The following SAMMSON variants were observed in gnomAD, a reference collection of about 807,000 sequenced individuals.
SAMMSON encodes the protein long intergenic non-protein coding RNA 1212.
At chr3:70,031,961 G>A (rs1370427074) in intron 3 of SAMMSON, among the ~76,000 whole-genome samples, 2 of 152,134 alleles carry the variant, frequency 1.3e-5, no homozygotes, top group African/African-American at 4.8e-5. Context: ...CAAGTTAATG[G>A]TAAAGATTAC....
chr3:70,285,164 G>T (rs1392182213), intron 6 of SAMMSON, among the ~76,000 whole-genome samples: 1 of 149,730 alleles, frequency 6.7e-6, no homozygotes, highest in Non-Finnish European at 1.5e-5. Flanking sequence ...CCACTAACTT[G>T]TCATCTAGCA....
chr3:70,275,653 G>A (rs972074847), intron 6 of SAMMSON, among the ~76,000 whole-genome samples: 3 of 152,158 alleles, frequency 2.0e-5, no homozygotes, highest in Admixed American at 6.5e-5. Flanking sequence ...AACCTCCCAC[G>A]CCTCAGCTTC....
At chr3:70,388,503 A>G (rs1250562599) in intron 9 of SAMMSON, among the ~76,000 whole-genome samples, 3 of 152,168 alleles carry the variant, frequency 2.0e-5, no homozygotes, top group East Asian at 1.9e-4. Context: ...AATCCAAAAG[A>G]TAATCCAACC....
intron 7 of SAMMSON, among the ~76,000 whole-genome samples, chr3:70,292,735 A>C (rs998374642): frequency 1.3e-5 from 2 of 152,078 alleles, no homozygotes; most frequent in Non-Finnish European, 2.9e-5. Flanking sequence ...GATCACACAC[A>C]CACACATGCA....
At chr3:70,268,337 T>C (rs1000907783) in intron 6 of SAMMSON, among the ~76,000 whole-genome samples, 11 of 152,058 alleles carry the variant, frequency 7.2e-5, no homozygotes, top group Admixed American at 6.5e-5. Context: ...TAGCCAGGCG[T>C]GGTTGTGTGC....
intron 4 of SAMMSON, among the ~76,000 whole-genome samples, chr3:70,119,096 C>T (rs367991454): frequency 3.3e-5 from 5 of 152,206 alleles, no homozygotes; most frequent in African/African-American, 7.2e-5. Flanking sequence ...GACGGAGTTT[C>T]GCTCTTGTTA....
chr3:70,057,452 TGAA>T (rs1346292123), intron 3 of SAMMSON, among the ~76,000 whole-genome samples: 1 of 152,052 alleles, frequency 6.6e-6, no homozygotes, highest in Non-Finnish European at 1.5e-5. Flanking sequence ...CATAATTCAA[TGAA>T]GAATTGTCTT....
At chr3:70,035,691 T>C (rs1036243391) in intron 3 of SAMMSON, among the ~76,000 whole-genome samples, 4 of 152,128 alleles carry the variant, frequency 2.6e-5, no homozygotes, top group Non-Finnish European at 1.5e-5. Context: ...TTCCAAAAAA[T>C]TTAGGAGGCA....
At chr3:70,413,447 C>T (rs1307274501) in intron 2 of SAMMSON, among the ~76,000 whole-genome samples, 1 of 152,110 alleles carries the variant, frequency 6.6e-6, no homozygotes, top group Non-Finnish European at 1.5e-5. Context: ...GAAATCAGCA[C>T]CCAGCTGAAG....
chr3:70,203,557 C>T (rs1701261273), intron 4 of SAMMSON, among the ~76,000 whole-genome samples: 1 of 151,890 alleles, frequency 6.6e-6, no homozygotes, highest in Admixed American at 6.6e-5. Flanking sequence ...TAAATTTGGG[C>T]TTATGTTTTT....
intron 4 of SAMMSON, chr3:70,206,490 A>G (rs1701291804): frequency 2.5e-6 from 1 of 395,990 alleles, no homozygotes; most frequent in Admixed American, 4.4e-5. Context: ...TTTTTTTCCT[A>G]ACAGCATATG....
chr3:70,403,517 C>T (rs1701156777), intron 2 of SAMMSON, among the ~76,000 whole-genome samples: 1 of 152,186 alleles, frequency 6.6e-6, no homozygotes, highest in South Asian at 2.1e-4. Context: ...GATTGGCAAA[C>T]TATGACTCGC....
At chr3:70,187,566 T>C (rs1332706396) in intron 4 of SAMMSON, among the ~76,000 whole-genome samples, 1 of 151,206 alleles carries the variant, frequency 6.6e-6, no homozygotes, top group Admixed American at 6.6e-5. Flanking sequence ...GCCTCCCGTG[T>C]AGCTGGGACT....
intron 3 of SAMMSON, among the ~76,000 whole-genome samples, chr3:70,067,822 G>GTAAT (rs2067215684): frequency 6.6e-6 from 1 of 152,088 alleles, no homozygotes. Context: ...AACTCATTGA[G>GTAAT]GTAGGGTGAC....
At chr3:70,262,270 G>A (rs988121429) in intron 6 of SAMMSON, among the ~76,000 whole-genome samples, 13 of 152,150 alleles carry the variant, frequency 8.5e-5, no homozygotes, top group African/African-American at 2.7e-4. Flanking sequence ...AGGCAGTGAA[G>A]CTTCAAACAA....
At chr3:70,226,227 T>G (rs1298915024) in intron 4 of SAMMSON, among the ~76,000 whole-genome samples, 1 of 152,188 alleles carries the variant, frequency 6.6e-6, no homozygotes, top group African/African-American at 2.4e-5. Flanking sequence ...TACTAGCTGC[T>G]GGTAGATAAT....
At chr3:70,307,947 C>A (rs1702418039) in intron 7 of SAMMSON, among the ~76,000 whole-genome samples, 1 of 152,204 alleles carries the variant, frequency 6.6e-6, no homozygotes, top group African/African-American at 2.4e-5. Flanking sequence ...CCTGCATCAC[C>A]TCCTTCTCTC....
intron 1 of SAMMSON, among the ~76,000 whole-genome samples, chr3:70,008,574 T>C (rs1221153514): frequency 1.3e-5 from 2 of 152,230 alleles, no homozygotes; most frequent in African/African-American, 4.8e-5. Flanking sequence ...TACAGTCATG[T>C]CATCTGCAAA....
At chr3:70,166,247 A>G (rs1014108590) in intron 4 of SAMMSON, among the ~76,000 whole-genome samples, 8 of 151,946 alleles carry the variant, frequency 5.3e-5, no homozygotes, top group African/African-American at 1.7e-4. Context: ...TATGTGAAAA[A>G]ATGTCCTGGT....
Sources: gnomAD v4.1 joint callset for allele counts (sites outside exome capture counted in the v4.1 genomes callset) on GRCh38, gnomAD v4.1.1 for gene constraint, MANE v1.5 for transcripts, NCBI Gene and HGNC (gene_info 2026-07-23, HGNC 2026-07-21) for gene names.